The following SGCZ variants were observed in gnomAD, a reference collection of about 807,000 sequenced individuals.
SGCZ encodes zeta-sarcoglycan.
Under a neutral mutation model 41.3 loss-of-function variants are expected in SGCZ, and 40 were observed. The ratio of observed to expected loss-of-function variants is 0.97; its 90% CI spans 0.75 to 1.26. The LOEUF (loss-of-function observed/expected upper bound fraction) is 1.26. Among genes scored for constraint, SGCZ ranks in the 50% most tolerant of loss-of-function variants. The pLI, the probability that SGCZ is intolerant of heterozygous loss-of-function variation, is 0.00. For missense variants in SGCZ, 552 were observed against 369.8 expected (o/e 1.49, Z -4.04); for synonymous variants, 206 against 137.5 (o/e 1.50, Z -3.49).
chr8:15,061,724 C>T (rs1031333771), intron 1 of SGCZ, among the ~76,000 whole-genome samples: 1 of 151,982 alleles, frequency 6.6e-6, no homozygotes, highest in Admixed American at 6.6e-5. Flanking sequence ...CATAAGACAC[C>T]AAATGCCAGT....
At chr8:14,351,581 T>C (rs969214951) in intron 2 of SGCZ, among the ~76,000 whole-genome samples, 1 of 151,172 alleles carries the variant, frequency 6.6e-6, no homozygotes, top group African/African-American at 2.4e-5. Flanking sequence ...ATATAATGTA[T>C]ATATTATATA....
intron 5 of SGCZ, among the ~76,000 whole-genome samples, chr8:14,151,067 A>G (rs1296381603): frequency 6.6e-6 from 1 of 152,138 alleles, no homozygotes; most frequent in African/African-American, 2.4e-5. Context: ...ATGGTTATTG[A>G]GTACAAAAAA....
intron 1 of SGCZ, among the ~76,000 whole-genome samples, chr8:15,038,725 T>C (rs1803960577): frequency 6.9e-6 from 1 of 145,670 alleles, no homozygotes; most frequent in Non-Finnish European, 1.5e-5. Context: ...AAGGAGTTAA[T>C]ATCCGAAATA....
intron 1 of SGCZ, among the ~76,000 whole-genome samples, chr8:14,821,053 A>G (rs1802063582): frequency 1.3e-5 from 2 of 152,068 alleles, no homozygotes; most frequent in South Asian, 2.1e-4. Flanking sequence ...TTTGTAAAAG[A>G]TAAACAAAAC....
intron 1 of SGCZ, among the ~76,000 whole-genome samples, chr8:15,129,940 A>G (rs1013309977): frequency 1.3e-5 from 2 of 152,078 alleles, no homozygotes; most frequent in African/African-American, 2.4e-5. Flanking sequence ...GCATATATAC[A>G]TATACATATG....
intron 1 of SGCZ, among the ~76,000 whole-genome samples, chr8:14,814,296 G>C (rs986523454): frequency 1.3e-5 from 2 of 152,098 alleles, no homozygotes; most frequent in Non-Finnish European, 2.9e-5. Flanking sequence ...CTAAAAGATG[G>C]GGTATAGAAG....
chr8:14,757,671 C>A (rs983535185), intron 1 of SGCZ, among the ~76,000 whole-genome samples: 2 of 152,196 alleles, frequency 1.3e-5, no homozygotes, highest in Non-Finnish European at 2.9e-5. Flanking sequence ...GGTTTCACAG[C>A]AACTCTAGCC....
chr8:14,622,907 A>G (rs1014159075), intron 1 of SGCZ, among the ~76,000 whole-genome samples: 3 of 152,220 alleles, frequency 2.0e-5, no homozygotes, highest in East Asian at 1.9e-4. Context: ...GAATAAAAGC[A>G]GGTAATGCCC....
intron 2 of SGCZ, among the ~76,000 whole-genome samples, chr8:14,376,079 C>T (rs956285045): frequency 2.0e-5 from 3 of 152,022 alleles, no homozygotes; most frequent in Non-Finnish European, 4.4e-5. Flanking sequence ...TTTGGGAGGC[C>T]GAGGCGGGTG....
chr8:14,457,218 A>G (rs1800771235), intron 2 of SGCZ, among the ~76,000 whole-genome samples: 1 of 152,242 alleles, frequency 6.6e-6, no homozygotes, highest in African/African-American at 2.4e-5. Context: ...AGGAAAAACC[A>G]GGCCATACAG....
At chr8:14,323,590 C>T (rs1802001425) in intron 3 of SGCZ, among the ~76,000 whole-genome samples, 1 of 152,072 alleles carries the variant, frequency 6.6e-6, no homozygotes, top group Non-Finnish European at 1.5e-5. Context: ...ACACAGGTAG[C>T]ACATGTGAAC....
chr8:15,234,155 C>A (rs1328377609), intron 1 of SGCZ, among the ~76,000 whole-genome samples: 1 of 152,168 alleles, frequency 6.6e-6, no homozygotes, highest in Non-Finnish European at 1.5e-5. Flanking sequence ...ACTTAGTCAT[C>A]TCATTTCCAG....
At position 15,097,916 on chromosome 8, in the gene SGCZ, G is replaced by GTATA. The variant is rs60363368; in HGVS notation, c.39+139665_39+139668dup. Among the ~76,000 whole-genome samples, 10 of 80,010 alleles carry GTATA rather than the reference G, an allele frequency of 1.2e-4. No homozygotes were observed. In the South Asian group the frequency reaches 1.8e-3, roughly 14 times the overall value. The allele number at this position is 80,010 out of a possible 152,430, so 52.5% of individuals were successfully genotyped here. A position where few individuals can be genotyped will look rare whatever the true frequency, so the allele number is the denominator to read the frequency against. ...TATATATATATATATATATACGTGT[G>GTATA]TATATATATATATATACATACATAC... On this transcript the variant is annotated intron_variant, in intron 1 of 7. Coordinates refer to ENST00000382080, the MANE Select transcript of SGCZ (RefSeq NM_139167.4).
At chr8:14,908,486 T>G (rs1001963562) in intron 1 of SGCZ, among the ~76,000 whole-genome samples, 6 of 152,132 alleles carry the variant, frequency 3.9e-5, no homozygotes, top group African/African-American at 1.4e-4. Context: ...GTGCACTGGC[T>G]CACGCCTGTA....
intron 1 of SGCZ, among the ~76,000 whole-genome samples, chr8:15,180,605 G>T (rs532193199): frequency 2.6e-5 from 4 of 151,972 alleles, no homozygotes; most frequent in East Asian, 1.9e-4. Context: ...AGAGGGAAAG[G>T]CTGGGCATGG....
chr8:15,039,566 C>T (rs1804000140), intron 1 of SGCZ, among the ~76,000 whole-genome samples: 1 of 152,076 alleles, frequency 6.6e-6, no homozygotes, highest in Non-Finnish European at 1.5e-5. Flanking sequence ...GTGACTATAG[C>T]CAATAACAAT....
At chr8:15,189,216 C>T (rs148850313) in intron 1 of SGCZ, among the ~76,000 whole-genome samples, 194 of 152,206 alleles carry the variant, frequency 1.3e-3, no homozygotes, top group African/African-American at 4.4e-3. Flanking sequence ...TAAGAGTAAA[C>T]AAATTTGGAA....
At chr8:14,440,937 T>C (rs1412317685) in intron 2 of SGCZ, among the ~76,000 whole-genome samples, 2 of 151,924 alleles carry the variant, frequency 1.3e-5, no homozygotes, top group African/African-American at 4.8e-5. Flanking sequence ...TGTTAGTAAG[T>C]CTAAGAAAGT....
chr8:15,230,029 C>A (rs891656064), intron 1 of SGCZ, among the ~76,000 whole-genome samples: 1 of 152,156 alleles, frequency 6.6e-6, no homozygotes, highest in African/African-American at 2.4e-5. Flanking sequence ...TTAAAGTTTG[C>A]ATTTTTAACT....
Sources: allele counts gnomAD v4.1 joint callset (sites outside exome capture counted in the v4.1 genomes callset), GRCh38; gene constraint gnomAD v4.1.1; transcripts MANE v1.5; gene names NCBI Gene and HGNC (gene_info 2026-07-23, HGNC 2026-07-21).